The following MRRF variants were observed in gnomAD, a reference collection of about 807,000 sequenced individuals.
MRRF encodes the protein mitochondrial ribosome recycling factor.
MRRF carries 18 observed loss-of-function variants against 25.1 expected under a neutral mutation model. The ratio of observed to expected loss-of-function variants is 0.72; its 90% CI spans 0.50 to 1.06. The LOEUF is 1.06. Ranked by LOEUF, MRRF falls within the 50% of genes least tolerant of loss-of-function variation. The pLI is 0.00. For missense variants in MRRF, 323 were observed against 319.3 expected (o/e 1.01, Z -0.09); for synonymous variants, 113 against 112.1 (o/e 1.01, Z -0.05).
chr9:122,301,982 G>T (rs1230814830), intron 5 of MRRF, among the ~76,000 whole-genome samples: 1 of 151,152 alleles, frequency 6.6e-6, no homozygotes, highest in African/African-American at 2.4e-5. Flanking sequence ...GGCCTCACGT[G>T]ATCCACCTGC....
At chr9:122,301,335 G>T (rs1008353755) in intron 5 of MRRF, among the ~76,000 whole-genome samples, 1 of 152,212 alleles carries the variant, frequency 6.6e-6, no homozygotes, top group Non-Finnish European at 1.5e-5. Flanking sequence ...CCAGGCTGAG[G>T]TAAATGTGGA....
rs1037066721 is a variant in MRRF at position 122,329,711 on chromosome 9, G to A, written c.*7094G>A. 6.6e-6 allele frequency: 1 copy of A among 152,220 alleles called. No homozygotes were observed. The highest frequency in any genetic ancestry group is 2.4e-5 in the African/African-American group (1 of 41,418). 9.4% of individuals were successfully genotyped at this position (152,220 alleles called of 1,614,324 possible). A position where few individuals can be genotyped will look rare whatever the true frequency, so the allele number is the denominator to read the frequency against. Reference sequence around the variant, plus strand: ...TCCTTCCTGGGCACACCCTTGAGTGGTGCTCACCAGGGAACAGATGTGGCA... The same window carrying A: ...TCCTTCCTGGGCACACCCTTGAGTGATGCTCACCAGGGAACAGATGTGGCA... On this transcript the variant is annotated 3_prime_UTR_variant, in exon 7 of 7. Coordinates refer to ENST00000344641, the MANE Select transcript of MRRF (RefSeq NM_138777.5).
At chr9:122,294,163 T>G (rs913552801) in intron 5 of MRRF, among the ~76,000 whole-genome samples, 5 of 152,192 alleles carry the variant, frequency 3.3e-5, no homozygotes, top group Non-Finnish European at 5.9e-5. Context: ...GGGGTTGTTC[T>G]TAGTGGCCTG....
At chr9:122,294,351 G>T (rs761865748) in intron 5 of MRRF, among the ~76,000 whole-genome samples, 3 of 152,124 alleles carry the variant, frequency 2.0e-5, no homozygotes, top group Admixed American at 2.0e-4. Context: ...GATCACTGTC[G>T]GTGCATTGTA....
In MRRF at chr9:122,329,921, A is replaced by G. The variant is rs1423813548; in HGVS notation, c.*7304A>G. 1 of 152,288 alleles carries G rather than the reference A, an allele frequency of 6.6e-6. No individual in the cohort carries two copies. Among genetic ancestry groups the G allele is most frequent in the African/African-American group, 2.4e-5 (1 of 41,468 alleles). The allele number at this position is 152,288 out of a possible 1,614,324, so 9.4% of individuals were successfully genotyped here. The stretch of plus-strand genomic sequence containing the variant: ...GTTGAGGAAATGTTTGTCTAATTCT[A>G]AGGGGCCTGCCAGGCCTTGATACAA... On this transcript the variant is annotated 3_prime_UTR_variant, in exon 7 of 7. Coordinates refer to ENST00000344641, the MANE Select transcript of MRRF (RefSeq NM_138777.5).
At chr9:122,289,181 A>T (rs915922194) in intron 4 of MRRF, among the ~76,000 whole-genome samples, 2 of 152,234 alleles carry the variant, frequency 1.3e-5, no homozygotes, top group Non-Finnish European at 2.9e-5. Context: ...ATTTTTCTGC[A>T]TATGAAAAGA....
At chr9:122,270,364 A>G (rs752500263) in intron 1 of MRRF, among the ~76,000 whole-genome samples, 1 of 152,242 alleles carries the variant, frequency 6.6e-6, no homozygotes, top group Non-Finnish European at 1.5e-5. Context: ...AGGGCATCCT[A>G]ATTGGTAATC....
rs2297483 is a variant in MRRF at position 122,313,321 on chromosome 9, A to T, written c.646A>T (p.Met216Leu). 2 of 1,614,040 alleles carry T rather than the reference A, an allele frequency of 1.2e-6. No homozygotes were observed. Among genetic ancestry groups the T allele is most frequent in the East Asian group, 4.5e-5 (2 of 44,902 alleles). Residue 216 changes from methionine to leucine, a missense_variant, in exon 6 of 7, where the codon ATG becomes TTG. By Grantham distance (15) the Met-to-Leu change is conservative. Transcript: ENST00000344641. ...DSLRKVRTNS[M>L]NKLKKSKDTV... ...TTTACGGAAGGTTCGCACCAACTCA[A>T]TGAACAAGCTGAAGAAATCCAAGGA...
chr9:122,292,629 A>G (rs1224081788), intron 5 of MRRF, among the ~76,000 whole-genome samples: 3 of 152,182 alleles, frequency 2.0e-5, no homozygotes, highest in East Asian at 3.9e-4. Context: ...TTTAGGCATT[A>G]TAAGTCATGG....
rs73663063 is a variant in MRRF at position 122,288,018 on chromosome 9, C to T, written c.459+2731C>T. 3.4e-3 allele frequency among the ~76,000 whole-genome samples: 514 copies of T among 152,254 alleles called. 5 individuals carry two copies. The highest frequency in any genetic ancestry group is 0.012 in the African/African-American group (485 of 41,540). The stretch of plus-strand genomic sequence containing the variant: ...CTTTCTTTCCAAACCTGAGCATTTC[C>T]GTGTCATGCTGTAGTGACACGATGC... On this transcript the variant is annotated intron_variant, in intron 4 of 6. Transcript: ENST00000344641.
intron 4 of MRRF, chr9:122,286,266 A>G: frequency 8.4e-7 from 1 of 1,187,352 alleles, no homozygotes; most frequent in Non-Finnish European, 1.1e-6. Context: ...TAGGCTAGAG[A>G]TAGGAGAAAG....
chr9:122,274,222 A>G (rs1832635760), intron 2 of MRRF, among the ~76,000 whole-genome samples: 1 of 152,228 alleles, frequency 6.6e-6, no homozygotes, highest in African/African-American at 2.4e-5. Context: ...TGGAGAAATC[A>G]TATTACCTGA....
At chr9:122,300,070 G>A (rs1486910382) in intron 5 of MRRF, among the ~76,000 whole-genome samples, 1 of 152,152 alleles carries the variant, frequency 6.6e-6, no homozygotes. Flanking sequence ...AGAAAGGGAA[G>A]GAAGAGGGTT....
At chr9:122,278,605 T>C (rs1832914457) in intron 2 of MRRF, among the ~76,000 whole-genome samples, 1 of 152,242 alleles carries the variant, frequency 6.6e-6, no homozygotes, top group Non-Finnish European at 1.5e-5. Context: ...TAAATATTAC[T>C]ATTCATTCCA....
Position 122,327,423 on chromosome 9 carries a change from T to G in MRRF, c.*4806T>G, listed in dbSNP as rs953039489. The G allele has an allele frequency of 6.6e-6, 1 of 152,210 alleles. No individual in the cohort carries two copies. The highest frequency in any genetic ancestry group is 6.5e-5 in the Admixed American group (1 of 15,284). 9.4% of individuals were successfully genotyped at this position (152,210 alleles called of 1,614,324 possible). A position where few individuals can be genotyped will look rare whatever the true frequency, so the allele number is the denominator to read the frequency against. ...AAAAGCTTGTATCCTCAAAAGCCAC[T>G]TTGAGGCTTTCTTTTGCCCTAATAG... On this transcript the variant is annotated 3_prime_UTR_variant, in exon 7 of 7. Coordinates refer to ENST00000344641, the MANE Select transcript of MRRF (RefSeq NM_138777.5).
chr9:122,271,973 T>A (rs1368394843), intron 2 of MRRF, among the ~76,000 whole-genome samples: 1 of 152,234 alleles, frequency 6.6e-6, no homozygotes, highest in Non-Finnish European at 1.5e-5. Context: ...ATTAACAAAT[T>A]ACTGGAAGAA....
chr9:122,283,072 C>T (rs1179582272), intron 3 of MRRF, among the ~76,000 whole-genome samples: 1 of 151,870 alleles, frequency 6.6e-6, no homozygotes, highest in Non-Finnish European at 1.5e-5. Flanking sequence ...TTCATAAAAA[C>T]CCCATGAAAT....
chr9:122,294,350 C>T (rs1019300824), intron 5 of MRRF, among the ~76,000 whole-genome samples: 5 of 152,154 alleles, frequency 3.3e-5, no homozygotes, highest in South Asian at 2.1e-4. Context: ...TGATCACTGT[C>T]GGTGCATTGT....
At chr9:122,273,440 CA>C (rs566027952) in intron 2 of MRRF, among the ~76,000 whole-genome samples, 5,393 of 70,218 alleles carry the variant, frequency 0.077, 194 homozygotes, top group African/African-American at 0.23. Flanking sequence ...GACCCTGTCT[CA>C]AAAAAAAAAA....
Sources: allele counts gnomAD v4.1 joint callset (sites outside exome capture counted in the v4.1 genomes callset), GRCh38; gene constraint gnomAD v4.1.1; transcripts MANE v1.5; gene names NCBI Gene and HGNC (gene_info 2026-07-23, HGNC 2026-07-21).